Variants in CUL5 observed in about 807,000 individuals in gnomAD.
CUL5 encodes the protein cullin-5.
CUL5 carries 26 observed loss-of-function variants against 108.8 expected under a neutral mutation model. The observed-to-expected ratio is 0.24, with a 90% confidence interval of 0.18 to 0.33. The LOEUF (loss-of-function observed/expected upper bound fraction) is 0.33. CUL5 is among the 10% of genes least tolerant of loss of function. The pLI, the probability that CUL5 is intolerant of heterozygous loss-of-function variation, is 1.00. For missense variants in CUL5, 524 were observed against 909.2 expected (o/e 0.58, Z 5.45); for synonymous variants, 334 against 298.0 (o/e 1.12, Z -1.25).
intron 11 of CUL5, among the ~76,000 whole-genome samples, chr11:108,084,611 G>A (rs1864179058): frequency 6.6e-6 from 1 of 152,210 alleles, no homozygotes; most frequent in Admixed American, 6.5e-5. Context: ...ACAGTGTCCA[G>A]TATTCAGTAC....
Position 108,073,437 on chromosome 11 carries a change from T to C in CUL5, c.1053T>C (p.Phe351=), listed in dbSNP as rs761107973. 27 of 1,598,034 alleles carry C rather than the reference T, an allele frequency of 1.7e-5. No homozygotes were observed. The South Asian group carries it at 2.6e-4, about 15-fold the overall frequency. ...VEQLLTLFNR[F]SKLVKEAFQD... is the part of the protein sequence containing the mutation. ...AGTTACTTACACTATTTAATAGATT[T>C]AGTAAACTCGTCAAAGAAGCTTTTC... Residue 351 remains phenylalanine (F), a synonymous_variant, in exon 10 of 19, where the codon TTT becomes TTC. Coordinates refer to ENST00000393094, the MANE Select transcript of CUL5 (RefSeq NM_003478.6).
rs1344487723 is a variant in CUL5 at position 108,008,902 on chromosome 11, G to T, written c.-447G>T. The T allele has an allele frequency of 6.1e-6, 1 of 163,166 alleles. No homozygotes were observed. The allele number at this position is 163,166 out of a possible 1,614,324, so 10.1% of individuals were successfully genotyped here. A position where few individuals can be genotyped will look rare whatever the true frequency, so the allele number is the denominator to read the frequency against. ...GGCTCCCACGCTCGCTCCCGAGCGCGTCCCCGCCCTCGCGTCACGTGACGT... is the reference window on the plus strand; with the variant it reads ...GGCTCCCACGCTCGCTCCCGAGCGCTTCCCCGCCCTCGCGTCACGTGACGT... On this transcript the variant is annotated 5_prime_UTR_variant, in exon 1 of 19. Coordinates refer to ENST00000393094, the MANE Select transcript of CUL5 (RefSeq NM_003478.6).
intron 1 of CUL5, 105 bp downstream of exon 1, chr11:108,009,477 G>C: frequency 1.6e-6 from 2 of 1,275,210 alleles, no homozygotes; most frequent in Non-Finnish European, 2.2e-6. Flanking sequence ...AGTGTTCAGG[G>C]GTTGTCCACT....
rs12293999 is a variant in CUL5 at position 108,010,469 on chromosome 11, C to G, written c.24+1097C>G. Among the ~76,000 whole-genome samples, 1,122 of 152,272 alleles carry G rather than the reference C, an allele frequency of 7.4e-3. 13 individuals carry two copies. The highest frequency in any genetic ancestry group is 0.025 in the African/African-American group (1,040 of 41,552). The stretch of plus-strand genomic sequence containing the variant: ...GAACAAATTTTACTAAGAGGCAGTA[C>G]TGTATATCACCTTTTAAAAGGGAGA... On this transcript the variant is annotated intron_variant, in intron 1 of 18. Coordinates refer to ENST00000393094, the MANE Select transcript of CUL5 (RefSeq NM_003478.6).
chr11:108,010,073 C>T (rs1462298378), intron 1 of CUL5, among the ~76,000 whole-genome samples: 1 of 152,244 alleles, frequency 6.6e-6, no homozygotes, highest in African/African-American at 2.4e-5. Flanking sequence ...TTTTATATAG[C>T]AAGGGAGATC....
chr11:108,094,298 C>A, intron 13 of CUL5, 93 bp from the exon 14 acceptor site: 1 of 935,612 alleles, frequency 1.1e-6, no homozygotes, highest in Non-Finnish European at 1.6e-6. Context: ...TGTATTAAAA[C>A]ATTTAAGACT....
chr11:108,055,212 G>C (rs1863343624), intron 7 of CUL5, among the ~76,000 whole-genome samples: 1 of 151,956 alleles, frequency 6.6e-6, no homozygotes, highest in Non-Finnish European at 1.5e-5. Flanking sequence ...TTAATTTTTG[G>C]TAAGTTTTCT....
intron 10 of CUL5, among the ~76,000 whole-genome samples, chr11:108,074,426 C>T (rs1489043941): frequency 1.3e-5 from 2 of 151,704 alleles, no homozygotes; most frequent in East Asian, 3.9e-4. Context: ...AACTCCTGAC[C>T]TCAGGTGATG....
intron 1 of CUL5, among the ~76,000 whole-genome samples, chr11:108,030,065 CAT>C (rs2135077698): frequency 6.6e-6 from 1 of 152,244 alleles, no homozygotes; most frequent in Non-Finnish European, 1.5e-5. Flanking sequence ...ACCTCTTCCT[CAT>C]AGGGAAGAAT....
chr11:108,095,382 A>G, intron 15 of CUL5, 148 bp from the exon 16 acceptor site: 2 of 588,100 alleles, frequency 3.4e-6, no homozygotes, highest in East Asian at 5.8e-5. Context: ...TATTCTGGGC[A>G]GTCATTAACG....
intron 1 of CUL5, among the ~76,000 whole-genome samples, chr11:108,011,462 A>G (rs1055112727): frequency 5.3e-5 from 8 of 152,238 alleles, no homozygotes; most frequent in African/African-American, 1.4e-4. Flanking sequence ...AAAGCTCACA[A>G]GAATTTAAAA....
chr11:108,015,751 A>G (rs559376640), intron 1 of CUL5, among the ~76,000 whole-genome samples: 1 of 152,354 alleles, frequency 6.6e-6, no homozygotes, highest in South Asian at 2.1e-4. Flanking sequence ...TGATTGAACA[A>G]TTACCATAAT....
chr11:108,082,621 G>A (rs954372733), intron 11 of CUL5, among the ~76,000 whole-genome samples: 2 of 151,446 alleles, frequency 1.3e-5, no homozygotes, highest in African/African-American at 4.9e-5. Flanking sequence ...CCTTGCTGGT[G>A]TATAAAAACA....
chr11:108,097,693 A>G lies in CUL5; in HGVS notation c.1963A>G (p.Asn655Asp). ...RQVLLYEPQV[N>D]SPKDFTEGTL... ...AGTTTTGTTGTATGAACCTCAAGTC[A>G]ACTCACCCAAAGACTTTACAGAAGG... The change falls in exon 17 of 19, where the codon AAC (asparagine) becomes GAC (aspartate). Residue 655 changes from asparagine (N) to aspartate (D), a missense_variant. Asn to Asp is a conservative substitution (Grantham distance 23). Transcript: ENST00000393094. The G allele has an allele frequency of 6.2e-7, 1 of 1,613,874 alleles. No individual in the cohort carries two copies.
At chr11:108,072,251 C>T (rs766652147) in intron 8 of CUL5, 81 bp from the exon 9 acceptor site, 1 of 1,164,824 alleles carries the variant, frequency 8.6e-7, no homozygotes, top group Non-Finnish European at 1.2e-6. Context: ...ATACTATTAA[C>T]ATTACAAACT....
chr11:108,054,623 A>G (rs200802906), intron 5 of CUL5, 24 bp from the exon 6 acceptor site: 153 of 1,458,400 alleles, frequency 1.0e-4, no homozygotes, highest in Non-Finnish European at 1.4e-4. Context: ...TAATTGGAGT[A>G]ATACTTTATT....
intron 1 of CUL5, among the ~76,000 whole-genome samples, chr11:108,032,997 T>C (rs533536402): frequency 1.3e-5 from 2 of 152,336 alleles, no homozygotes; most frequent in South Asian, 2.1e-4. Flanking sequence ...CTTGGGGGAT[T>C]CCCAAAACCA....
chr11:108,072,540 C>A, intron 9 of CUL5, 78 bp downstream of exon 9: 1 of 1,229,998 alleles, frequency 8.1e-7, no homozygotes, highest in Non-Finnish European at 1.1e-6. Context: ...AAATAGTGAG[C>A]GGTTACCAGA....
At chr11:108,091,002 T>C (rs1260202547) in intron 13 of CUL5, among the ~76,000 whole-genome samples, 2 of 152,170 alleles carry the variant, frequency 1.3e-5, no homozygotes, top group Non-Finnish European at 2.9e-5. Context: ...GCAAAACTAA[T>C]ACATATTTAC....
Sources: allele counts gnomAD v4.1 joint callset (sites outside exome capture counted in the v4.1 genomes callset), GRCh38; gene constraint gnomAD v4.1.1; transcripts MANE v1.5; gene names NCBI Gene and HGNC (gene_info 2026-07-23, HGNC 2026-07-21).